The following ARHGAP26 variants were observed in gnomAD, a reference collection of about 807,000 sequenced individuals.
ARHGAP26 encodes the protein Rho GTPase activating protein 26.
In ARHGAP26, 38 loss-of-function variants were observed where a neutral mutation model predicts 104.8. The ratio of observed to expected loss-of-function variants is 0.36; its 90% CI spans 0.28 to 0.48. ARHGAP26 has a LOEUF of 0.48. ARHGAP26 is among the 20% of genes least tolerant of loss of function. The pLI is 0.99. For missense variants in ARHGAP26, 704 were observed against 947.9 expected, an observed-to-expected ratio of 0.74 and a Z score of 3.38; for synonymous variants, 341 against 340.0, an observed-to-expected ratio of 1.00 and a Z score of -0.03.
intron 5 of ARHGAP26, 63 bp from the exon 6 acceptor site, chr5:142,894,175 C>T (rs2152432136): frequency 7.2e-7 from 1 of 1,389,224 alleles, no homozygotes; most frequent in Non-Finnish European, 1.0e-6. Flanking sequence ...TTCTGACCTG[C>T]TTTCGGAATG....
At chr5:143,133,403 C>G (rs1797578881) in intron 18 of ARHGAP26, among the ~76,000 whole-genome samples, 1 of 152,096 alleles carries the variant, frequency 6.6e-6, no homozygotes, top group Admixed American at 6.6e-5. Context: ...AGCTCAGCAT[C>G]ACAGATAACA....
intron 1 of ARHGAP26, among the ~76,000 whole-genome samples, chr5:142,832,064 A>G (rs950873629): frequency 6.6e-6 from 1 of 152,156 alleles, no homozygotes; most frequent in African/African-American, 2.4e-5. Flanking sequence ...AACTGTACAC[A>G]TGTCCTTTGG....
chr5:142,842,643 T>G (rs1178364414), intron 1 of ARHGAP26, among the ~76,000 whole-genome samples: 1 of 152,206 alleles, frequency 6.6e-6, no homozygotes, highest in African/African-American at 2.4e-5. Flanking sequence ...TAGTAGAGCA[T>G]GGGATTTAGA....
chr5:143,015,024 CCT>C (rs1031785734), intron 12 of ARHGAP26, among the ~76,000 whole-genome samples: 2 of 152,028 alleles, frequency 1.3e-5, no homozygotes, highest in African/African-American at 4.8e-5. Flanking sequence ...TTTTTCCCCC[CCT>C]TTCTTTCTCT....
intron 11 of ARHGAP26, among the ~76,000 whole-genome samples, chr5:142,941,836 A>G (rs749077149): frequency 2.0e-4 from 30 of 152,222 alleles, no homozygotes; most frequent in Non-Finnish European, 5.9e-5. Context: ...GGAAATTTTG[A>G]TAGCCAGAGA....
At chr5:142,884,949 G>C (rs1562013693) in intron 4 of ARHGAP26, among the ~76,000 whole-genome samples, 1 of 152,164 alleles carries the variant, frequency 6.6e-6, no homozygotes, top group Non-Finnish European at 1.5e-5. Flanking sequence ...CACTGCTGCT[G>C]CTCCCCAGCC....
chr5:142,943,693 T>A (rs1363488647), intron 11 of ARHGAP26, among the ~76,000 whole-genome samples: 1 of 152,222 alleles, frequency 6.6e-6, no homozygotes, highest in Non-Finnish European at 1.5e-5. Flanking sequence ...TTATTCTAAC[T>A]TCTTTATTAA....
At chr5:143,086,293 T>C (rs1790578256) in intron 17 of ARHGAP26, among the ~76,000 whole-genome samples, 2 of 152,230 alleles carry the variant, frequency 1.3e-5, no homozygotes, top group South Asian at 4.1e-4. Context: ...AAACCCATTG[T>C]TGATCATTTT....
At chr5:142,907,470 G>A in intron 8 of ARHGAP26, 1 of 266,408 alleles carries the variant, frequency 3.8e-6, no homozygotes, top group Non-Finnish European at 7.3e-6. Context: ...TAGCATCAAT[G>A]GGAAACAGTC....
intron 11 of ARHGAP26, among the ~76,000 whole-genome samples, chr5:142,987,262 G>A (rs968328708): frequency 6.6e-6 from 1 of 152,166 alleles, no homozygotes; most frequent in African/African-American, 2.4e-5. Flanking sequence ...AAGCAATTGT[G>A]AATGGGAGTT....
chr5:142,815,542 A>T (rs1764938016), intron 1 of ARHGAP26, among the ~76,000 whole-genome samples: 1 of 152,242 alleles, frequency 6.6e-6, no homozygotes, highest in Admixed American at 6.5e-5. Flanking sequence ...TTGCTAAGTG[A>T]TGAGGGTCAT....
chr5:143,106,959 C>T (rs1239121743), intron 17 of ARHGAP26, among the ~76,000 whole-genome samples: 1 of 152,186 alleles, frequency 6.6e-6, no homozygotes, highest in African/African-American at 2.4e-5. Context: ...GCCTTCCTGG[C>T]CTACCTAAGT....
intron 1 of ARHGAP26, among the ~76,000 whole-genome samples, chr5:142,827,701 ACC>A (rs1362483833): frequency 6.6e-6 from 1 of 152,122 alleles, no homozygotes; most frequent in Non-Finnish European, 1.5e-5. Flanking sequence ...TCTGCTGCTT[ACC>A]CTCTGGTGAC....
chr5:143,156,169 C>T (rs182331500), intron 20 of ARHGAP26, among the ~76,000 whole-genome samples: 65 of 152,272 alleles, frequency 4.3e-4, no homozygotes, highest in African/African-American at 1.3e-3. Context: ...GGATCTTATT[C>T]GTAGATTCAG....
intron 11 of ARHGAP26, among the ~76,000 whole-genome samples, chr5:142,944,311 T>C (rs1766798792): frequency 6.6e-6 from 1 of 152,272 alleles, no homozygotes; most frequent in African/African-American, 2.4e-5. Flanking sequence ...TTTTCAGCTT[T>C]TGATGACATC....
At chr5:143,038,684 CTTTTTTTTTTTTTT>C (rs60428049) in intron 13 of ARHGAP26, among the ~76,000 whole-genome samples, 5 of 64,384 alleles carry the variant, frequency 7.8e-5, no homozygotes, top group African/African-American at 1.3e-4. Flanking sequence ...GACATACGGC[CTTTTTTTTTTTTTT>C]TTTTTTTTTT....
chr5:142,879,370 C>G lies in ARHGAP26; in HGVS notation c.313-4C>G. On this transcript the variant is annotated splice_polypyrimidine_tract_variant and splice_region_variant and intron_variant, in intron 3 of 22. Coordinates refer to ENST00000645722, the MANE Select transcript of ARHGAP26 (RefSeq NM_001135608.3). The stretch of plus-strand genomic sequence containing the variant: ...CTTTCCCTTACTCTGTTGTTCTTCA[C>G]CAGATTGAGAATGCCAGCGAGGTGC... 1.9e-6 allele frequency: 3 copies of G among 1,613,642 alleles called. No homozygotes were observed. The highest frequency in any genetic ancestry group is 2.5e-6 in the Non-Finnish European group (3 of 1,179,600).
chr5:142,812,574 GT>G (rs1764313320), intron 1 of ARHGAP26, among the ~76,000 whole-genome samples: 1 of 152,134 alleles, frequency 6.6e-6, no homozygotes, highest in Admixed American at 6.5e-5. Context: ...CTAGCCTCAA[GT>G]GATCCTCCTG....
chr5:143,120,865 C>A, intron 17 of ARHGAP26, 123 bp from the exon 18 acceptor site: 1 of 934,590 alleles, frequency 1.1e-6, no homozygotes, highest in Non-Finnish European at 1.5e-6. Context: ...CTGACGATGA[C>A]CCAAGTTCTG....
Sources: allele counts gnomAD v4.1 joint callset (sites outside exome capture counted in the v4.1 genomes callset), GRCh38; gene constraint gnomAD v4.1.1; transcripts MANE v1.5; gene names NCBI Gene and HGNC (gene_info 2026-07-23, HGNC 2026-07-21).